The following ST6GAL1 variants were observed in gnomAD, a reference collection of about 807,000 sequenced individuals.
The protein encoded by ST6GAL1 is beta-galactoside alpha-2,6-sialyltransferase 1.
A neutral mutation model predicts 38.0 loss-of-function variants in ST6GAL1; 20 were observed. That is an observed-to-expected ratio of 0.53 (90% CI 0.37 to 0.77). The LOEUF (loss-of-function observed/expected upper bound fraction) is 0.77. Ranked by LOEUF, ST6GAL1 falls within the 30% of genes least tolerant of loss-of-function variation. ST6GAL1 has a pLI of 0.00. For synonymous variants in ST6GAL1, 196 were observed against 188.2 expected, an observed-to-expected ratio of 1.04 and a Z score of -0.34; for missense variants, 432 against 496.4, an observed-to-expected ratio of 0.87 and a Z score of 1.23.
At chr3:187,061,225 A>G (rs1718904307) in intron 5 of ST6GAL1, among the ~76,000 whole-genome samples, 1 of 152,234 alleles carries the variant, frequency 6.6e-6, no homozygotes. Context: ...AAGAAATTAA[A>G]GGAGACACAA....
At chr3:187,032,475 T>G (rs912470570) in intron 2 of ST6GAL1, among the ~76,000 whole-genome samples, 2 of 152,164 alleles carry the variant, frequency 1.3e-5, no homozygotes, top group African/African-American at 4.8e-5. Context: ...CGTCACCCAT[T>G]TATTCATTCA....
intron 2 of ST6GAL1, among the ~76,000 whole-genome samples, chr3:187,010,390 T>C (rs7619468): frequency 0.75 from 113,855 of 152,044 alleles, 42,887 homozygotes; most frequent in South Asian, 0.84. Context: ...TCCAGTGACA[T>C]TGAATCCCCA....
intron 5 of ST6GAL1, among the ~76,000 whole-genome samples, chr3:187,058,381 C>T (rs373477945): frequency 2.0e-4 from 30 of 152,260 alleles, no homozygotes; most frequent in South Asian, 8.3e-4. Context: ...GTTTGTCGAT[C>T]GCGCTGGGAG....
chr3:187,060,186 G>A (rs1718861060), intron 5 of ST6GAL1, among the ~76,000 whole-genome samples: 1 of 152,048 alleles, frequency 6.6e-6, no homozygotes, highest in African/African-American at 2.4e-5. Context: ...TGGGGGTAGG[G>A]GGGTTGGCCT....
chr3:187,032,100 A>G (rs561470118), intron 2 of ST6GAL1, among the ~76,000 whole-genome samples: 3 of 152,228 alleles, frequency 2.0e-5, no homozygotes, highest in East Asian at 1.9e-4. Context: ...AGCAGGGACT[A>G]TTTTTGGAAA....
In ST6GAL1 at chr3:187,003,203, A is replaced by G. The variant is rs1716677974; in HGVS notation, c.-182-35539A>G. Among the ~76,000 whole-genome samples, 2 of 152,180 alleles carry G rather than the reference A, an allele frequency of 1.3e-5. 1 individual carries two copies. Among genetic ancestry groups the G allele is most frequent in the South Asian group, 4.1e-4 (2 of 4,828 alleles). ...CCAAACCAAAACAACAACAGCAAAA[A>G]CAATGCCCCAGCTCAAGGCAGTCAG... On this transcript the variant is annotated intron_variant, in intron 2 of 7. Coordinates refer to ENST00000169298, the MANE Select transcript of ST6GAL1 (RefSeq NM_173216.2).
At chr3:186,984,294 C>G (rs1715789965) in intron 2 of ST6GAL1, among the ~76,000 whole-genome samples, 1 of 152,216 alleles carries the variant, frequency 6.6e-6, no homozygotes, top group Non-Finnish European at 1.5e-5. Context: ...ATCCCTGCCC[C>G]CTATTCCTGT....
chr3:186,980,257 G>A (rs1331678474), intron 2 of ST6GAL1, among the ~76,000 whole-genome samples: 1 of 152,146 alleles, frequency 6.6e-6, no homozygotes, highest in East Asian at 1.9e-4. Context: ...CTGGGGAGCA[G>A]TGGATGCAGC....
chr3:186,990,853 A>T (rs955074632), intron 2 of ST6GAL1, among the ~76,000 whole-genome samples: 1 of 150,884 alleles, frequency 6.6e-6, no homozygotes, highest in African/African-American at 2.4e-5. Context: ...AGCTTCTGGC[A>T]TTACCCAGGA....
At chr3:187,064,580 A>G (rs1346825734) in intron 5 of ST6GAL1, 2 of 456,640 alleles carry the variant, frequency 4.4e-6, no homozygotes, top group Non-Finnish European at 8.8e-6. Context: ...GGGATACACT[A>G]CCCACCCTCA....
intron 2 of ST6GAL1, among the ~76,000 whole-genome samples, chr3:186,973,078 C>T (rs1171792197): frequency 6.6e-6 from 1 of 152,036 alleles, no homozygotes; most frequent in Non-Finnish European, 1.5e-5. Context: ...TCTTGTTGTC[C>T]AGGCTGGAGT....
intron 3 of ST6GAL1, among the ~76,000 whole-genome samples, chr3:187,042,292 G>A (rs1718151128): frequency 6.6e-6 from 1 of 151,908 alleles, no homozygotes; most frequent in Non-Finnish European, 1.5e-5. Context: ...TTTGCAAGAT[G>A]TGGTTTCTGA....
intron 1 of ST6GAL1, chr3:186,942,537 C>G (rs1042682854): frequency 6.6e-6 from 1 of 152,096 alleles, no homozygotes; most frequent in African/African-American, 2.4e-5. Flanking sequence ...ATGCTGTACC[C>G]TTTACAACCT....
At chr3:186,936,796 C>T (rs918340987) in intron 1 of ST6GAL1, among the ~76,000 whole-genome samples, 2 of 151,836 alleles carry the variant, frequency 1.3e-5, no homozygotes, top group Admixed American at 6.6e-5. Flanking sequence ...CAAAAATCAG[C>T]CGGACATGGT....
intron 2 of ST6GAL1, among the ~76,000 whole-genome samples, chr3:187,036,159 T>C (rs759748701): frequency 7.2e-5 from 11 of 152,102 alleles, no homozygotes; most frequent in Admixed American, 4.6e-4. Flanking sequence ...AAATGCTCAG[T>C]ATCACTAATT....
At chr3:186,985,213 C>T (rs1001142275) in intron 2 of ST6GAL1, among the ~76,000 whole-genome samples, 1 of 151,986 alleles carries the variant, frequency 6.6e-6, no homozygotes, top group Non-Finnish European at 1.5e-5. Flanking sequence ...CTGGCCCTAT[C>T]CCCCCTTTCT....
At chr3:187,068,341 C>CAAAA (rs112868643) in intron 5 of ST6GAL1, among the ~76,000 whole-genome samples, 2 of 87,840 alleles carry the variant, frequency 2.3e-5, no homozygotes, top group African/African-American at 6.6e-5. Context: ...GACTCCATCT[C>CAAAA]AAAAAAAAAA....
intron 2 of ST6GAL1, among the ~76,000 whole-genome samples, chr3:187,033,003 C>T (rs968844097): frequency 2.6e-5 from 4 of 152,212 alleles, no homozygotes; most frequent in Non-Finnish European, 5.9e-5. Context: ...TCTCCTAGGA[C>T]AGGCCTTGCA....
intron 1 of ST6GAL1, chr3:186,948,667 C>T (rs1460817710): frequency 6.6e-6 from 1 of 152,310 alleles, no homozygotes; most frequent in Non-Finnish European, 1.5e-5. Context: ...TCTGCTATAC[C>T]AACACCTTTG....
Sources: gnomAD v4.1 joint callset for allele counts (sites outside exome capture counted in the v4.1 genomes callset) on GRCh38, gnomAD v4.1.1 for gene constraint, MANE v1.5 for transcripts, NCBI Gene and HGNC (gene_info 2026-07-23, HGNC 2026-07-21) for gene names.